The following DPP9 variants were observed in gnomAD, a reference collection of about 807,000 sequenced individuals.
DPP9 encodes dipeptidyl peptidase 9.
In DPP9, 50 loss-of-function variants were observed where a neutral mutation model predicts 110.7. The ratio of observed to expected loss-of-function variants is 0.45; its 90% confidence interval spans 0.36 to 0.57. The LOEUF (loss-of-function observed/expected upper bound fraction) is 0.57, where lower values mean the gene tolerates loss of function less well. Ranked by LOEUF, DPP9 falls within the 20% of genes least tolerant of loss-of-function variation. The probability of loss-of-function intolerance (pLI) is 0.00; values close to 1 mark genes in which losing one functional copy is unlikely to be tolerated. For missense variants in DPP9, 1,022 were observed against 1,217.9 expected, an observed-to-expected ratio of 0.84 and a Z score of 2.39; for synonymous variants, 561 against 514.4, an observed-to-expected ratio of 1.09 and a Z score of -1.23.
At chr19:4,699,438 C>T (rs1341530910) in intron 10 of DPP9, among the ~76,000 whole-genome samples, 2 of 152,042 alleles carry the variant, frequency 1.3e-5, no homozygotes, top group Non-Finnish European at 2.9e-5. Flanking sequence ...ATGGGATTTG[C>T]AACTTCCGAG....
In DPP9 at chr19:4,700,027, G is replaced by A. The variant is rs892628403; in HGVS notation, c.1074+189C>T. ...TGAGGCAGGGAGGCCAGCTCGCCAC[G>A]CCGCATTCTAGGCACAGGTCCAGAG... is the stretch of plus-strand genomic sequence containing the variant. On this transcript the variant is annotated intron_variant, in intron 10 of 21. Transcript: ENST00000262960. The surrounding 1 kb of genome is among the most constrained non-coding windows in gnomAD (Gnocchi z 4.3). Among the ~76,000 whole-genome samples the A allele has an allele frequency of 1.3e-5, 2 of 152,172 alleles. No homozygotes were observed. Among genetic ancestry groups the A allele is most frequent in the African/African-American group, 4.8e-5 (2 of 41,448 alleles).
chr19:4,689,607 G>A lies in DPP9; in HGVS notation c.1712C>T (p.Thr571Ile). Residue 571 changes from threonine (T) to isoleucine (I), a missense_variant, in exon 15 of 22, where the codon ACC (threonine) becomes ATC (isoleucine). Physicochemically the swap from Thr to Ile is moderately conservative, Grantham distance 89. This residue lies in a region of DPP9 where 810 missense variants were observed against 920.6 expected (regional missense o/e 0.88). Coordinates refer to ENST00000262960, the MANE Select transcript of DPP9 (RefSeq NM_139159.5). This position sits in a 1 kb window ranked among gnomAD's most constrained non-coding sequence, Gnocchi z 7.0. ...GCAGCTATGGGAGAAGCCGGGCGTG[G>A]TGAGGCGTACGATCTCGCCGGCCGC... ...YEAAGEIVRL[T>I]TPGFSHSCSM... The A allele has an allele frequency of 6.4e-7, 1 of 1,574,200 alleles. No homozygotes were observed. The highest frequency in any genetic ancestry group is 2.3e-5 in the East Asian group (1 of 42,570).
intron 10 of DPP9, among the ~76,000 whole-genome samples, chr19:4,699,196 G>C (rs987409385): frequency 6.6e-6 from 1 of 150,858 alleles, no homozygotes; most frequent in Non-Finnish European, 1.5e-5. Flanking sequence ...ATGCAAAAGA[G>C]GTCTGGAGAG....
Position 4,723,078 on chromosome 19 carries a change from TACACCACCA to T in DPP9, c.-88-536_-88-528del, listed in dbSNP as rs532405802. Among the ~76,000 whole-genome samples the T allele has an allele frequency of 1.6e-3, 240 of 152,214 alleles. 1 individual carries two copies. The highest frequency in any genetic ancestry group is 5.3e-3 in the African/African-American group (222 of 41,522). ...CTTGGAAGACAGCTATGCTAACCACTACACCACCAACGCCTCGGCAGGAAAAAGAGTCTC... is the reference window on the plus strand; with the variant it reads ...CTTGGAAGACAGCTATGCTAACCACTACGCCTCGGCAGGAAAAAGAGTCTC... On this transcript the variant is annotated intron_variant, in intron 1 of 21. Transcript: ENST00000262960.
Position 4,719,724 on chromosome 19 carries a change from G to A in DPP9, c.56+127C>T, listed in dbSNP as rs2093235230. On this transcript the variant is annotated intron_variant, in intron 3 of 21. Coordinates refer to ENST00000262960, the MANE Select transcript of DPP9 (RefSeq NM_139159.5). ...CTCCTCGCTTGAAATAACCAGAACA[G>A]TCTTGGGGACGTGCTGGGGAAGCCA... 3.6e-6 allele frequency: 4 copies of A among 1,116,696 alleles called. No homozygotes were observed. The South Asian group carries it at 5.5e-5, about 15-fold the overall frequency. 69.2% of individuals were successfully genotyped at this position (1,116,696 alleles called of 1,614,324 possible).
chr19:4,711,117 G>A (rs1222147432), intron 4 of DPP9, among the ~76,000 whole-genome samples: 5 of 152,192 alleles, frequency 3.3e-5, no homozygotes, highest in Non-Finnish European at 1.5e-5. Context: ...GGTGGGCAGC[G>A]AGGTGGGGTG....
intron 21 of DPP9, chr19:4,679,515 A>G (rs983561910): frequency 1.1e-5 from 4 of 360,926 alleles, no homozygotes; most frequent in African/African-American, 6.3e-5. Flanking sequence ...AGTTTCAAAT[A>G]AAGCCCGTCT....
intron 19 of DPP9, chr19:4,683,261 C>G: frequency 7.0e-7 from 1 of 1,436,322 alleles, no homozygotes; most frequent in Non-Finnish European, 9.1e-7. Flanking sequence ...TTTGTGCAGC[C>G]GGATGCCATC....
At chr19:4,703,663 ACT>A in intron 7 of DPP9, among the ~76,000 whole-genome samples, 1 of 146,066 alleles carries the variant, frequency 6.8e-6, no homozygotes, top group Admixed American at 6.8e-5. Flanking sequence ...CATGGGTGAG[ACT>A]CTCTCAAAAA....
rs982412657 is a variant in DPP9, at chr19:4,688,359, T to C, written c.1885+398A>G. 9.1e-5 allele frequency: 17 copies of C among 186,268 alleles called. No homozygotes were observed. In the East Asian group the frequency reaches 1.8e-3, roughly 20 times the overall value. The allele number at this position is 186,268 out of a possible 1,614,324, so 11.5% of individuals were successfully genotyped here. On this transcript the variant is annotated intron_variant, in intron 16 of 21. Coordinates refer to ENST00000262960, the MANE Select transcript of DPP9 (RefSeq NM_139159.5). ...CCTACGTGCAAGCAATCCTCCTGCC[T>C]TGGCCTCCCAAAGCATTGGGATTAC...
intron 13 of DPP9, among the ~76,000 whole-genome samples, chr19:4,691,240 G>A (rs746632266): frequency 1.1e-4 from 16 of 152,096 alleles, no homozygotes; most frequent in East Asian, 1.9e-4. Flanking sequence ...TTGGGAGGCC[G>A]AGGCAGGAGG....
At position 4,702,084 on chromosome 19, in the gene DPP9, C is replaced by T. The variant is rs774008116; in HGVS notation, c.955G>A (p.Val319Ile). 6.8e-6 allele frequency: 11 copies of T among 1,613,814 alleles called. No homozygotes were observed. The highest frequency in any genetic ancestry group is 4.5e-5 in the East Asian group (2 of 44,896). ...VDESEVEVIH[V>I]PSPALEERKT... ...CTTTCTTCTAGCGCAGGAGAGGGGA[C>T]GTGAATGACCTCCACCTCGGACTCA... The change falls in exon 9 of 22, where the codon GTC becomes ATC. Residue 319 changes from valine (V) to isoleucine (I), a missense_variant. By Grantham distance (29) the Val-to-Ile change is conservative (BLOSUM62 3). Coordinates refer to ENST00000262960, the MANE Select transcript of DPP9 (RefSeq NM_139159.5).
In DPP9 at chr19:4,695,396, G is replaced by T; in HGVS notation, c.1335C>A (p.Val445=). The T allele has an allele frequency of 6.3e-7, 1 of 1,583,916 alleles. No individual in the cohort carries two copies. Among genetic ancestry groups the T allele is most frequent in the Non-Finnish European group, 8.6e-7 (1 of 1,164,998 alleles). The part of the protein sequence containing the change: ...NVQPYVVYEE[V]TNVWINVHDI... ...CGCTTACATTGATCCAGACGTTGGT[G>T]ACCTCCTCGTACACCACATACGGCT... Residue 445 remains valine, a synonymous_variant, in exon 12 of 22, where the codon GTC becomes GTA. Coordinates refer to ENST00000262960, the MANE Select transcript of DPP9 (RefSeq NM_139159.5). This position sits in a 1 kb window ranked among gnomAD's most constrained non-coding sequence, Gnocchi z 4.7.
chr19:4,723,426 G>A (rs887693431), intron 1 of DPP9, among the ~76,000 whole-genome samples: 10 of 152,136 alleles, frequency 6.6e-5, no homozygotes, highest in Non-Finnish European at 1.3e-4. Context: ...GCCCATCAGG[G>A]AAGGGGAGAA....
intron 1 of DPP9, 148 bp downstream of exon 1, chr19:4,723,526 G>A: frequency 6.5e-6 from 1 of 153,768 alleles, no homozygotes; most frequent in Non-Finnish European, 1.4e-5. Context: ...GCAGGGGGCC[G>A]GAGGGACCCA....
Position 4,682,073 on chromosome 19 carries a change from C to T in DPP9, c.2474+623G>A, listed in dbSNP as rs1279097959. ...TCTTGTTAGCCAGGATGGTCTCAAT[C>T]TCCTGACCTCACGATCCGCCCGCCT... On this transcript the variant is annotated intron_variant, in intron 20 of 21. Coordinates refer to ENST00000262960, the MANE Select transcript of DPP9 (RefSeq NM_139159.5). The surrounding 1 kb of genome is among the most constrained non-coding windows in gnomAD (Gnocchi z 7.1). Among the ~76,000 whole-genome samples the T allele has an allele frequency of 6.6e-6, 1 of 152,036 alleles. No homozygotes were observed. The highest frequency in any genetic ancestry group is 6.6e-5 in the Admixed American group (1 of 15,262).
rs2092788658 is a variant in DPP9, at chr19:4,710,648, G to A, written c.313+3433C>T. On this transcript the variant is annotated intron_variant, in intron 4 of 21. Transcript: ENST00000262960. The surrounding 1 kb of genome is among the most constrained non-coding windows in gnomAD (Gnocchi z 5.6). The stretch of plus-strand genomic sequence containing the variant: ...TGAGGGGACAGGTCCCATGCTTTGA[G>A]CAGCAGGCCAGGCCTGGCCTTGAAG... 1.3e-5 allele frequency among the ~76,000 whole-genome samples: 2 copies of A among 152,222 alleles called. No homozygotes were observed. Among genetic ancestry groups the A allele is most frequent in the South Asian group, 4.1e-4 (2 of 4,836 alleles).
At chr19:4,706,659 C>T (rs543723235) in intron 4 of DPP9, among the ~76,000 whole-genome samples, 23 of 152,152 alleles carry the variant, frequency 1.5e-4, no homozygotes, top group Non-Finnish European at 3.2e-4. Flanking sequence ...CTACTAAAAA[C>T]ACAAAAATTA....
At position 4,685,496 on chromosome 19, in the gene DPP9, G is replaced by T; in HGVS notation, c.2031+130C>A. 1.9e-6 allele frequency: 2 copies of T among 1,065,906 alleles called. No individual in the cohort carries two copies. Among genetic ancestry groups the T allele is most frequent in the South Asian group, 1.5e-5 (1 of 67,586 alleles). 66.0% of individuals were successfully genotyped at this position (1,065,906 alleles called of 1,614,324 possible). ...CTGTGTAGTCAGGGCAGGCGGGGTG[G>T]GCTGGGGCACCAGGCAGGTAGCCGG... On this transcript the variant is annotated intron_variant, in intron 17 of 21. Transcript: ENST00000262960. The surrounding 1 kb of genome is among the most constrained non-coding windows in gnomAD (Gnocchi z 5.8).
Sources: gnomAD v4.1 joint callset for allele counts (sites outside exome capture counted in the v4.1 genomes callset) on GRCh38, gnomAD v4.1.1 for gene constraint, gnomAD v4.1.1 regional missense constraint, Gnocchi (gnomAD v3.1) non-coding constraint, MANE v1.5 for transcripts, NCBI Gene and HGNC (gene_info 2026-07-23, HGNC 2026-07-21) for gene names.